The following PCDH11X variants were observed in gnomAD, a reference collection of about 807,000 sequenced individuals.
The protein encoded by PCDH11X is protocadherin-11 X-linked.
PCDH11X carries 18 observed loss-of-function variants against 53.3 expected under a neutral mutation model. The observed-to-expected ratio is 0.34, with a 90% CI of 0.23 to 0.50. The LOEUF (loss-of-function observed/expected upper bound fraction) is 0.50, where lower values mean the gene tolerates loss of function less well. PCDH11X is among the 20% of genes least tolerant of loss of function. The probability of loss-of-function intolerance (pLI) is 0.98; values close to 1 mark genes in which losing one functional copy is unlikely to be tolerated. For missense variants in PCDH11X, 570 were observed against 1,032.4 expected, an observed-to-expected ratio of 0.55 and a Z score of 6.14; for synonymous variants, 279 against 393.3, an observed-to-expected ratio of 0.71 and a Z score of 3.44.
intron 8 of PCDH11X, among the ~76,000 whole-genome samples, chrX:92,287,287 G>T (rs1481432197): frequency 9.0e-6 from 1 of 111,186 alleles, no homozygotes; most frequent in Non-Finnish European, 1.9e-5. Context: ...TGTCATACAG[G>T]TTTTAAGCCC....
chrX:92,177,459 T>C (rs966843471), intron 6 of PCDH11X, among the ~76,000 whole-genome samples: 21 of 111,783 alleles, frequency 1.9e-4, no homozygotes, highest in African/African-American at 6.8e-4. Flanking sequence ...GAATCAGGAA[T>C]TGGAATGACC....
At chrX:92,139,546 G>A (rs1255090756) in intron 6 of PCDH11X, among the ~76,000 whole-genome samples, 1 of 109,452 alleles carries the variant, frequency 9.1e-6, no homozygotes, top group East Asian at 2.9e-4. Context: ...ACAGGCATGA[G>A]CCACCCCTCT....
intron 9 of PCDH11X, among the ~76,000 whole-genome samples, chrX:92,391,405 A>G (rs962103813): frequency 9.2e-6 from 1 of 108,265 alleles, no homozygotes; most frequent in Admixed American, 1.0e-4. Flanking sequence ...GATTTTACAT[A>G]TCCAGGTATA....
At chrX:92,412,537 A>AGT (rs2071707273) in intron 9 of PCDH11X, among the ~76,000 whole-genome samples, 7 of 95,933 alleles carry the variant, frequency 7.3e-5, no homozygotes, top group African/African-American at 2.6e-4. Context: ...ATATATATAT[A>AGT]TATATATATA....
intron 7 of PCDH11X, among the ~76,000 whole-genome samples, chrX:92,246,595 C>T (rs763480620): frequency 2.0e-4 from 22 of 111,413 alleles, no homozygotes; most frequent in African/African-American, 2.9e-4. Flanking sequence ...AGGTGATCCA[C>T]CTGCCTCAGC....
intron 6 of PCDH11X, among the ~76,000 whole-genome samples, chrX:92,011,135 T>G (rs1228986167): frequency 1.8e-5 from 2 of 111,995 alleles, no homozygotes; most frequent in Non-Finnish European, 3.8e-5. Flanking sequence ...CCAATGGGTA[T>G]CTAGGTTGAT....
At chrX:91,843,263 A>ATGTGTGTGTGTG (rs3067347) in intron 5 of PCDH11X, among the ~76,000 whole-genome samples, 244 of 91,402 alleles carry the variant, frequency 2.7e-3, no homozygotes, top group African/African-American at 9.4e-3. Flanking sequence ...ATACATACTT[A>ATGTGTGTGTGTG]TGTGTGTGTG....
intron 7 of PCDH11X, among the ~76,000 whole-genome samples, chrX:92,235,567 A>G (rs1359832170): frequency 8.9e-6 from 1 of 111,833 alleles, no homozygotes; most frequent in Non-Finnish European, 1.9e-5. Flanking sequence ...AAAAATTATT[A>G]TTACTGCAGA....
chrX:92,033,617 T>C (rs1366990531), intron 6 of PCDH11X, among the ~76,000 whole-genome samples: 2 of 108,804 alleles, frequency 1.8e-5, no homozygotes, highest in Non-Finnish European at 3.8e-5. Flanking sequence ...TTTTCATCTC[T>C]GATTTTGTAT....
chrX:91,997,087 C>T (rs189873142), intron 6 of PCDH11X, among the ~76,000 whole-genome samples: 3 of 108,568 alleles, frequency 2.8e-5, no homozygotes, highest in African/African-American at 1.0e-4. Context: ...TGTCTTGCAG[C>T]TTTATTGAAT....
chrX:91,943,936 G>A (rs1222221883), intron 6 of PCDH11X, among the ~76,000 whole-genome samples: 6 of 105,152 alleles, frequency 5.7e-5, no homozygotes, highest in African/African-American at 1.4e-4. Flanking sequence ...CAATAAACTC[G>A]GTGAGAGCCA....
At chrX:92,069,612 T>G (rs1219584311) in intron 6 of PCDH11X, among the ~76,000 whole-genome samples, 1 of 111,614 alleles carries the variant, frequency 9.0e-6, no homozygotes, top group Non-Finnish European at 1.9e-5. Context: ...TTCTTGCTTT[T>G]TAGTTTTTGG....
At chrX:92,460,629 C>T (rs879174548) in intron 9 of PCDH11X, 11 of 842,459 alleles carry the variant, frequency 1.3e-5, no homozygotes, top group Non-Finnish European at 1.9e-5. Flanking sequence ...GAGAACAACC[C>T]GAGGGAGGTG....
rs1342184724 is a variant in PCDH11X, at chrX:92,160,631, A to AT, written c.3034-40735dup. Among the ~76,000 whole-genome samples the AT allele has an allele frequency of 1.3e-3, 104 of 78,623 alleles. No homozygotes were observed. In the South Asian group the frequency reaches 0.014, roughly 11 times the overall value. The allele number at this position is 78,623 out of a possible 115,157, so 68.3% of individuals were successfully genotyped here. A position where few individuals can be genotyped will look rare whatever the true frequency, so the allele number is the denominator to read the frequency against. Reference sequence around the variant, plus strand: ...CTGCTATAAACATGCATGTGCAGGTATTTTTTTTTCTTTTTTTTTTTTTTT... The same window carrying AT: ...CTGCTATAAACATGCATGTGCAGGTATTTTTTTTTTCTTTTTTTTTTTTTTT... On this transcript the variant is annotated intron_variant, in intron 6 of 10. Transcript: ENST00000682573.
At chrX:92,489,254 A>G (rs1231372110) in intron 10 of PCDH11X, among the ~76,000 whole-genome samples, 1 of 108,800 alleles carries the variant, frequency 9.2e-6, no homozygotes, top group African/African-American at 3.4e-5. Context: ...CTTCTGCTTT[A>G]CTCCTATGTC....
intron 1 of PCDH11X, among the ~76,000 whole-genome samples, chrX:91,795,958 T>G (rs1192939603): frequency 8.9e-6 from 1 of 112,110 alleles, no homozygotes; most frequent in Non-Finnish European, 1.9e-5. Context: ...TTCAAATATT[T>G]TAAAGGTGTT....
intron 6 of PCDH11X, among the ~76,000 whole-genome samples, chrX:92,031,204 T>C (rs1365491085): frequency 9.0e-6 from 1 of 110,987 alleles, no homozygotes; most frequent in Non-Finnish European, 1.9e-5. Flanking sequence ...TATCTCATTG[T>C]AGTTTTGATT....
intron 9 of PCDH11X, among the ~76,000 whole-genome samples, chrX:92,462,036 A>G (rs71202959): frequency 3.6e-5 from 4 of 111,725 alleles, no homozygotes; most frequent in Non-Finnish European, 5.7e-5. Context: ...TAGTACAGCA[A>G]ATTTTTAAAT....
rs990653862 is a variant in PCDH11X, at chrX:92,087,647, A to T, written c.3034-113728A>T. ...CAGTTGAGTTTAATTTTAATATTTA[A>T]CTTTTCCTCCACACACAGACAGGTT... On this transcript the variant is annotated intron_variant, in intron 6 of 10. Coordinates refer to ENST00000682573, the MANE Select transcript of PCDH11X (RefSeq NM_032968.5). 7.2e-5 allele frequency among the ~76,000 whole-genome samples: 8 copies of T among 110,624 alleles called. 2 individuals carry two copies. In the South Asian group the frequency reaches 2.7e-3, roughly 37 times the overall value.
Sources: gnomAD v4.1 joint callset for allele counts (sites outside exome capture counted in the v4.1 genomes callset) on GRCh38, gnomAD v4.1.1 for gene constraint, MANE v1.5 for transcripts, NCBI Gene and HGNC (gene_info 2026-07-23, HGNC 2026-07-21) for gene names.